The following AHCYL2 variants were observed in gnomAD, a reference collection of about 807,000 sequenced individuals.
AHCYL2 encodes adenosylhomocysteinase like 2, also known as S-adenosylhomocysteine hydrolase-like protein 2.
In AHCYL2, 28 loss-of-function variants were observed where a neutral mutation model predicts 81.4. The observed-to-expected ratio is 0.34, with a 90% CI of 0.25 to 0.47. The LOEUF (loss-of-function observed/expected upper bound fraction) is 0.47, where lower values mean the gene tolerates loss of function less well. Among genes scored for constraint, AHCYL2 ranks in the 20% least tolerant of loss-of-function variants. The pLI is 1.00. For synonymous variants in AHCYL2, 272 were observed against 290.2 expected, an observed-to-expected ratio of 0.94 and a Z score of 0.64; for missense variants, 551 against 785.1, an observed-to-expected ratio of 0.70 and a Z score of 3.56.
intron 12 of AHCYL2, among the ~76,000 whole-genome samples, chr7:129,416,387 T>G (rs2150958065): frequency 6.6e-6 from 1 of 152,272 alleles, no homozygotes; most frequent in Non-Finnish European, 1.5e-5. Flanking sequence ...AATAAATATG[T>G]AAAATTTATA....
intron 12 of AHCYL2, among the ~76,000 whole-genome samples, chr7:129,417,435 A>G (rs758203199): frequency 6.6e-6 from 1 of 152,236 alleles, no homozygotes; most frequent in Non-Finnish European, 1.5e-5. Flanking sequence ...TTGAGGGTTT[A>G]TAATCTGACT....
chr7:129,274,595 A>G (rs1796132543), intron 1 of AHCYL2, among the ~76,000 whole-genome samples: 1 of 152,132 alleles, frequency 6.6e-6, no homozygotes, highest in African/African-American at 2.4e-5. Context: ...TTGCTTAACC[A>G]ATAGACTGTA....
intron 5 of AHCYL2, 26 bp downstream of exon 5, chr7:129,397,350 G>T: frequency 6.2e-7 from 1 of 1,605,356 alleles, no homozygotes. Flanking sequence ...CTGTGCCTTT[G>T]GCTAAAGTAA....
At chr7:129,353,689 A>G (rs1303165935) in intron 1 of AHCYL2, among the ~76,000 whole-genome samples, 1 of 148,556 alleles carries the variant, frequency 6.7e-6, no homozygotes, top group South Asian at 2.2e-4. Flanking sequence ...CTGGAACTTA[A>G]GCTCAGAGGG....
chr7:129,321,846 G>A (rs527492287), intron 1 of AHCYL2, among the ~76,000 whole-genome samples: 1 of 149,714 alleles, frequency 6.7e-6, no homozygotes, highest in South Asian at 2.1e-4. Flanking sequence ...CACGATCTCG[G>A]CTCACCTTAA....
intron 1 of AHCYL2, among the ~76,000 whole-genome samples, chr7:129,364,758 C>A (rs765874697): frequency 6.6e-6 from 1 of 152,006 alleles, no homozygotes; most frequent in Non-Finnish European, 1.5e-5. Flanking sequence ...CATTATAATG[C>A]AGATCAAAAT....
chr7:129,337,258 C>T (rs1415119445), intron 1 of AHCYL2, among the ~76,000 whole-genome samples: 1 of 151,950 alleles, frequency 6.6e-6, no homozygotes, highest in African/African-American at 2.4e-5. Context: ...TTTTATCGTA[C>T]TGTATTCACT....
At chr7:129,324,356 A>G (rs1798144400) in intron 1 of AHCYL2, among the ~76,000 whole-genome samples, 1 of 152,096 alleles carries the variant, frequency 6.6e-6, no homozygotes, top group Non-Finnish European at 1.5e-5. Flanking sequence ...GACCATTTAC[A>G]TTTGATGTGA....
At chr7:129,274,072 T>C (rs1210533488) in intron 1 of AHCYL2, among the ~76,000 whole-genome samples, 1 of 152,218 alleles carries the variant, frequency 6.6e-6, no homozygotes, top group Non-Finnish European at 1.5e-5. Flanking sequence ...GGTGTAGGAC[T>C]TGGCTGTAAT....
intron 12 of AHCYL2, among the ~76,000 whole-genome samples, chr7:129,422,323 A>C (rs1308807729): frequency 6.6e-6 from 1 of 152,218 alleles, no homozygotes; most frequent in Non-Finnish European, 1.5e-5. Context: ...ATGAGGGCAG[A>C]ACCTTGGGCC....
At chr7:129,384,277 TATATC>T (rs960221645) in intron 2 of AHCYL2, among the ~76,000 whole-genome samples, 6 of 149,164 alleles carry the variant, frequency 4.0e-5, no homozygotes, top group East Asian at 1.9e-4. Context: ...GTTTTGCTAA[TATATC>T]ATATATATGA....
At chr7:129,348,260 G>A (rs1418443987) in intron 1 of AHCYL2, among the ~76,000 whole-genome samples, 1 of 152,182 alleles carries the variant, frequency 6.6e-6, no homozygotes, top group African/African-American at 2.4e-5. Context: ...ATAGAACAAT[G>A]TGCAGAAGTT....
intron 1 of AHCYL2, among the ~76,000 whole-genome samples, chr7:129,288,812 A>C (rs1318261892): frequency 6.6e-6 from 1 of 152,144 alleles, no homozygotes; most frequent in Non-Finnish European, 1.5e-5. Context: ...TCTGTCACCC[A>C]GGCTGGAGGT....
At chr7:129,251,027 A>G (rs1411138478) in intron 1 of AHCYL2, among the ~76,000 whole-genome samples, 3 of 152,180 alleles carry the variant, frequency 2.0e-5, no homozygotes, top group African/African-American at 4.8e-5. Context: ...TTTCCCTTCT[A>G]TGGGGAAAGA....
At chr7:129,371,533 T>G (rs561373953) in intron 1 of AHCYL2, among the ~76,000 whole-genome samples, 2 of 152,348 alleles carry the variant, frequency 1.3e-5, no homozygotes, top group East Asian at 3.9e-4. Flanking sequence ...CTCAGCTGTT[T>G]TCATGTGAAG....
chr7:129,225,273 G>A lies in AHCYL2; in HGVS notation c.197G>A (p.Gly66Asp), dbSNP rs1353865819. The part of the protein sequence containing the change: ...AAERPPVPGP[G>D]SGPAAALSPA... ...GAGCGGCCCCCGGTCCCCGGCCCGG[G>A]CTCGGGGCCCGCCGCCGCTCTCAGC... Residue 66 changes from glycine (G) to aspartate (D), a missense_variant, in exon 1 of 17, where the codon GGC becomes GAC. Physicochemically the swap from Gly to Asp is moderately conservative, Grantham distance 94. This residue lies in a region of AHCYL2 where 235 missense variants were observed against 242.1 expected (regional missense o/e 0.97). Coordinates refer to ENST00000325006, the MANE Select transcript of AHCYL2 (RefSeq NM_015328.4). The A allele has an allele frequency of 6.9e-7, 1 of 1,453,258 alleles. No individual in the cohort carries two copies. Among genetic ancestry groups the A allele is most frequent in the Non-Finnish European group, 9.0e-7 (1 of 1,111,580 alleles). The allele number at this position is 1,453,258 out of a possible 1,614,324, so 90.0% of individuals were successfully genotyped here.
intron 1 of AHCYL2, among the ~76,000 whole-genome samples, chr7:129,233,984 T>C (rs9641847): frequency 0.95 from 144,582 of 152,130 alleles, 69,117 homozygotes; most frequent in East Asian, 1. Flanking sequence ...TAATCATTCT[T>C]TTCTCCCCCT....
chr7:129,425,564 A>C (rs1421866864), intron 15 of AHCYL2, among the ~76,000 whole-genome samples: 4 of 152,156 alleles, frequency 2.6e-5, no homozygotes, highest in Non-Finnish European at 5.9e-5. Flanking sequence ...ACACCTTCCA[A>C]CACCAATCCC....
At chr7:129,328,150 A>G (rs1398847388) in intron 1 of AHCYL2, among the ~76,000 whole-genome samples, 1 of 151,858 alleles carries the variant, frequency 6.6e-6, no homozygotes, top group African/African-American at 2.4e-5. Flanking sequence ...CCCTTTGGCT[A>G]GTTATGCTGC....
Sources: gnomAD v4.1 joint callset for allele counts (sites outside exome capture counted in the v4.1 genomes callset) on GRCh38, gnomAD v4.1.1 for gene constraint, gnomAD v4.1.1 regional missense constraint, MANE v1.5 for transcripts, NCBI Gene and HGNC (gene_info 2026-07-23, HGNC 2026-07-21) for gene names.